The following TGFBR1 variants were observed in gnomAD, a reference collection of about 807,000 sequenced individuals.
TGFBR1 encodes TGF-beta receptor type-1.
TGFBR1 carries 20 observed loss-of-function variants against 55.1 expected under a neutral mutation model. That is an observed-to-expected ratio of 0.36 (90% CI 0.26 to 0.53). TGFBR1 has a LOEUF of 0.53. TGFBR1 is among the 20% of genes least tolerant of loss of function. TGFBR1 has a pLI of 0.91. For missense variants in TGFBR1, 385 were observed against 617.6 expected (o/e 0.62, Z 3.99); for synonymous variants, 220 against 214.8 (o/e 1.02, Z -0.21).
At chr9:99,142,003 C>T (rs909391113) in intron 4 of TGFBR1, among the ~76,000 whole-genome samples, 4 of 152,202 alleles carry the variant, frequency 2.6e-5, no homozygotes, top group Non-Finnish European at 5.9e-5. Context: ...TCTTGTCTTG[C>T]GTCTTTGTGA....
At chr9:99,142,243 C>T (rs1360118163) in intron 4 of TGFBR1, among the ~76,000 whole-genome samples, 1 of 152,182 alleles carries the variant, frequency 6.6e-6, no homozygotes, top group Non-Finnish European at 1.5e-5. Flanking sequence ...AGAGTGCCAG[C>T]TCTGATACCA....
At chr9:99,129,159 AT>A in intron 2 of TGFBR1, 59 bp downstream of exon 2, 1 of 1,574,712 alleles carries the variant, frequency 6.4e-7, no homozygotes, top group Non-Finnish European at 8.7e-7. Flanking sequence ...ATACTCTGTG[AT>A]TTTAGAACTG....
chr9:99,137,765 A>T (rs933076613), intron 3 of TGFBR1, 94 bp from the exon 4 acceptor site: 22 of 938,346 alleles, frequency 2.3e-5, no homozygotes, highest in Non-Finnish European at 3.3e-5. Context: ...AGCTTAAAGT[A>T]TCAGTTTTCT....
intron 1 of TGFBR1, among the ~76,000 whole-genome samples, chr9:99,127,328 C>G (rs1477867094): frequency 2.0e-5 from 3 of 152,158 alleles, no homozygotes; most frequent in Non-Finnish European, 4.4e-5. Context: ...TGGTCAGTCA[C>G]TTAGGCTTGC....
At chr9:99,128,736 C>A in intron 1 of TGFBR1, 119 bp from the exon 2 acceptor site, 1 of 1,357,100 alleles carries the variant, frequency 7.4e-7, no homozygotes, top group Non-Finnish European at 1.0e-6. Context: ...CTAAGAGCAA[C>A]AAACAGTGCA....
intron 3 of TGFBR1, among the ~76,000 whole-genome samples, chr9:99,134,842 A>G (rs1043220744): frequency 9.1e-5 from 9 of 99,364 alleles, no homozygotes; most frequent in Non-Finnish European, 1.7e-4. Context: ...ATATATATAT[A>G]TATATATATA....
rs1458831219 is a variant in TGFBR1, at chr9:99,154,034, C to G, written c.*4729C>G. ...ACCCTTGATTGACTCTGGGGAGGGG[C>G]TTTGTGAATAGGATTGCTCTCACAT... On this transcript the variant is annotated 3_prime_UTR_variant, in exon 9 of 9. Coordinates refer to ENST00000374994, the MANE Select transcript of TGFBR1 (RefSeq NM_004612.4). The G allele has an allele frequency of 9.0e-6, 2 of 222,250 alleles. No homozygotes were observed. The highest frequency in any genetic ancestry group is 4.5e-5 in the African/African-American group (2 of 44,566). 13.8% of individuals were successfully genotyped at this position (222,250 alleles called of 1,614,324 possible).
chr9:99,129,651 C>A (rs1827156921), intron 2 of TGFBR1, among the ~76,000 whole-genome samples: 1 of 152,176 alleles, frequency 6.6e-6, no homozygotes, highest in Admixed American at 6.5e-5. Flanking sequence ...GTAATCCCAG[C>A]ACTTTGGAAG....
At chr9:99,114,965 GCCCTA>G (rs1290035031) in intron 1 of TGFBR1, among the ~76,000 whole-genome samples, 3 of 152,088 alleles carry the variant, frequency 2.0e-5, no homozygotes, top group African/African-American at 4.8e-5. Context: ...TGAGAGTGTG[GCCCTA>G]CTGTACTGGT....
chr9:99,106,224 A>G (rs1826411167), intron 1 of TGFBR1, among the ~76,000 whole-genome samples: 1 of 152,232 alleles, frequency 6.6e-6, no homozygotes, highest in African/African-American at 2.4e-5. Flanking sequence ...ACATCTGTAT[A>G]GCTGGTTTTC....
rs191100846 is a variant in TGFBR1, at chr9:99,144,326, G to A, written c.974-406G>A. On this transcript the variant is annotated intron_variant, in intron 5 of 8. Transcript: ENST00000374994. ...TTTTAATAACATTTTCTAGTGGTTAGCATCAAAGATAATATACTTAATACT... is the reference window on the plus strand; with the variant it reads ...TTTTAATAACATTTTCTAGTGGTTAACATCAAAGATAATATACTTAATACT... Among the ~76,000 whole-genome samples, 30 of 152,264 alleles carry A rather than the reference G, an allele frequency of 2.0e-4. No homozygotes were observed. In the East Asian group the frequency reaches 5.4e-3, roughly 27 times the overall value.
At chr9:99,139,101 G>A (rs949660735) in intron 4 of TGFBR1, among the ~76,000 whole-genome samples, 2 of 151,068 alleles carry the variant, frequency 1.3e-5, no homozygotes, top group Non-Finnish European at 3.0e-5. Context: ...CAGCCCCCAC[G>A]ATTCCTATTT....
chr9:99,116,066 A>G (rs75580999), intron 1 of TGFBR1, among the ~76,000 whole-genome samples: 10,743 of 151,000 alleles, frequency 0.071, 469 homozygotes, highest in Middle Eastern at 0.085. Flanking sequence ...TCCATGGTGC[A>G]TTGTCCTTTT....
At chr9:99,128,499 A>G (rs865825821) in intron 1 of TGFBR1, among the ~76,000 whole-genome samples, 6 of 148,696 alleles carry the variant, frequency 4.0e-5, no homozygotes, top group African/African-American at 1.5e-4. Flanking sequence ...AAAAAAAAAA[A>G]GTATAACCAT....
At chr9:99,147,558 A>G in intron 7 of TGFBR1, 96 bp from the exon 8 acceptor site, 2 of 1,171,618 alleles carry the variant, frequency 1.7e-6, no homozygotes, top group South Asian at 2.5e-5. Context: ...TACTTTAGTA[A>G]TGAAACACTG....
intron 3 of TGFBR1, among the ~76,000 whole-genome samples, chr9:99,133,859 C>T (rs1827330148): frequency 6.6e-6 from 1 of 151,898 alleles, no homozygotes; most frequent in Non-Finnish European, 1.5e-5. Flanking sequence ...AAAAAATTAG[C>T]CGGGCGTAGT....
At chr9:99,104,801 C>T (rs1180230044), upstream of TGFBR1, among the ~76,000 whole-genome samples, 1 of 152,130 alleles carries the variant, frequency 6.6e-6, no homozygotes, top group Non-Finnish European at 1.5e-5. Flanking sequence ...CATCGCTCTA[C>T]CCGGCCCTCC....
At chr9:99,110,649 C>T (rs1348573908) in intron 1 of TGFBR1, among the ~76,000 whole-genome samples, 2 of 152,166 alleles carry the variant, frequency 1.3e-5, no homozygotes, top group Non-Finnish European at 2.9e-5. Context: ...CTTTGAATGG[C>T]ACAGATGTAG....
intron 3 of TGFBR1, among the ~76,000 whole-genome samples, chr9:99,136,206 T>C (rs934636541): frequency 1.3e-5 from 2 of 152,186 alleles, no homozygotes; most frequent in African/African-American, 2.4e-5. Context: ...TAATCCAATA[T>C]AGATAATACA....
Sources: allele counts gnomAD v4.1 joint callset (sites outside exome capture counted in the v4.1 genomes callset), GRCh38; gene constraint gnomAD v4.1.1; transcripts MANE v1.5; gene names NCBI Gene and HGNC (gene_info 2026-07-23, HGNC 2026-07-21).